Variants in MTF2 observed in about 807,000 individuals in gnomAD.
MTF2 encodes metal-response element-binding transcription factor 2.
MTF2 carries 11 observed loss-of-function variants against 79.5 expected under a neutral mutation model. That is an observed-to-expected ratio of 0.14 (90% CI 0.09 to 0.23). The LOEUF is 0.23. Among genes scored for constraint, MTF2 ranks in the 10% least tolerant of loss-of-function variants. The pLI, the probability that MTF2 is intolerant of heterozygous loss-of-function variation, is 1.00. For missense variants in MTF2, 486 were observed against 711.2 expected, an observed-to-expected ratio of 0.68 and a Z score of 3.60; for synonymous variants, 208 against 232.8, an observed-to-expected ratio of 0.89 and a Z score of 0.97.
chr1:93,106,685 A>G (rs561005484), intron 1 of MTF2, among the ~76,000 whole-genome samples: 1 of 152,232 alleles, frequency 6.6e-6, no homozygotes, highest in African/African-American at 2.4e-5. Flanking sequence ...ACACCAGGCT[A>G]ATTTTGTATT....
chr1:93,113,528 A>G (rs184112827), intron 3 of MTF2, among the ~76,000 whole-genome samples: 4 of 152,336 alleles, frequency 2.6e-5, no homozygotes, highest in Non-Finnish European at 5.9e-5. Context: ...AGAGTAGAGT[A>G]ATAATGAAGT....
chr1:93,138,839 A>G lies in MTF2; in HGVS notation c.*1812A>G, dbSNP rs945100344. The G allele has an allele frequency of 6.6e-6, 1 of 152,078 alleles. No homozygotes were observed. Among genetic ancestry groups the G allele is most frequent in the African/African-American group, 2.4e-5 (1 of 41,408 alleles). The allele number at this position is 152,078 out of a possible 1,614,324, so 9.4% of individuals were successfully genotyped here. The stretch of plus-strand genomic sequence containing the variant: ...CACTCCACCTGTATCATATTATTTC[A>G]TTTTCCCCAAAGTCCTTTAATTCTA... On this transcript the variant is annotated 3_prime_UTR_variant, in exon 15 of 15. Coordinates refer to ENST00000370298, the MANE Select transcript of MTF2 (RefSeq NM_007358.4).
intron 3 of MTF2, 71 bp from the exon 4 acceptor site, chr1:93,114,617 A>T: frequency 1.8e-6 from 2 of 1,107,570 alleles, no homozygotes; most frequent in Non-Finnish European, 2.6e-6. Flanking sequence ...CTGCTCACTG[A>T]GTCATAAAAG....
chr1:93,088,513 A>G (rs1393783947), intron 1 of MTF2, among the ~76,000 whole-genome samples: 1 of 152,186 alleles, frequency 6.6e-6, no homozygotes, highest in African/African-American at 2.4e-5. Flanking sequence ...CTGTTTCTAA[A>G]TGTTTGGTAT....
intron 1 of MTF2, among the ~76,000 whole-genome samples, chr1:93,094,159 GTTTTC>G (rs752531027): frequency 6.6e-6 from 1 of 151,948 alleles, no homozygotes; most frequent in Non-Finnish European, 1.5e-5. Flanking sequence ...GTACTGGGAT[GTTTTC>G]TTTTACTTTG....
At chr1:93,106,940 A>G (rs1655819545) in intron 1 of MTF2, among the ~76,000 whole-genome samples, 1 of 152,228 alleles carries the variant, frequency 6.6e-6, no homozygotes, top group Non-Finnish European at 1.5e-5. Context: ...ATCCCTGATG[A>G]TAATTCATTG....
At chr1:93,093,449 G>C (rs912328970) in intron 1 of MTF2, among the ~76,000 whole-genome samples, 1 of 152,010 alleles carries the variant, frequency 6.6e-6, no homozygotes, top group African/African-American at 2.4e-5. Context: ...CTGGAGTTCT[G>C]CTCTAATTTG....
rs183737932 is a variant in MTF2, at chr1:93,110,261, C to T, written c.37C>T (p.His13Tyr). 24 of 1,614,026 alleles carry T rather than the reference C, an allele frequency of 1.5e-5. No homozygotes were observed. The Admixed American group carries it at 1.5e-4, about 10-fold the overall frequency. The change falls in exon 2 of 15, where the codon CAC becomes TAC. Residue 13 changes from histidine (H) to tyrosine (Y), a missense_variant. This residue lies in a region of MTF2 where 75 missense variants were observed against 83.8 expected (regional missense o/e 0.89). Transcript: ENST00000370298. ...DSTGAGNSLV[H>Y]KRSPLRRNQK... ...TACAGGGGCAGGTAATTCACTGGTC[C>T]ACAAGCGGTCTCCTTTACGTCGAAA...
intron 1 of MTF2, among the ~76,000 whole-genome samples, chr1:93,099,550 A>G (rs947503787): frequency 8.5e-5 from 13 of 152,212 alleles, no homozygotes; most frequent in African/African-American, 3.1e-4. Flanking sequence ...GAAGTTTTCA[A>G]CATTCAATAT....
At chr1:93,083,527 A>T (rs1654703913) in intron 1 of MTF2, among the ~76,000 whole-genome samples, 2 of 152,154 alleles carry the variant, frequency 1.3e-5, no homozygotes, top group African/African-American at 4.8e-5. Context: ...TGCAGTGATC[A>T]TTCATGTATA....
At chr1:93,108,280 G>GTGTGTGTA (rs900832474) in intron 1 of MTF2, among the ~76,000 whole-genome samples, 1 of 152,116 alleles carries the variant, frequency 6.6e-6, no homozygotes, top group Non-Finnish European at 1.5e-5. Flanking sequence ...GTGTGTGTGT[G>GTGTGTGTA]TGTGTATGTG....
intron 10 of MTF2, among the ~76,000 whole-genome samples, chr1:93,128,168 G>C (rs1192606292): frequency 6.6e-6 from 1 of 152,168 alleles, no homozygotes; most frequent in African/African-American, 2.4e-5. Flanking sequence ...TGTTTCATGG[G>C]ACAGTGAATT....
At chr1:93,122,423 TTTTA>T (rs1227192067) in intron 9 of MTF2, among the ~76,000 whole-genome samples, 1 of 152,140 alleles carries the variant, frequency 6.6e-6, no homozygotes, top group Non-Finnish European at 1.5e-5. Context: ...AGTGTTTAGA[TTTTA>T]TTTGAGAGGC....
chr1:93,131,295 G>A (rs1268794829), intron 11 of MTF2, among the ~76,000 whole-genome samples: 1 of 152,222 alleles, frequency 6.6e-6, no homozygotes, highest in African/African-American at 2.4e-5. Flanking sequence ...ATATTAAAGT[G>A]TATTGAATGC....
intron 2 of MTF2, 21 bp from the exon 3 acceptor site, chr1:93,110,524 A>G (rs1202956079): frequency 6.2e-7 from 1 of 1,604,680 alleles, no homozygotes; most frequent in Non-Finnish European, 8.5e-7. Flanking sequence ...GATCACCGTT[A>G]AGTATTTCTC....
intron 1 of MTF2, among the ~76,000 whole-genome samples, chr1:93,106,391 G>A (rs968832570): frequency 2.6e-5 from 4 of 151,506 alleles, no homozygotes; most frequent in East Asian, 3.9e-4. Context: ...AGGTCTTAAC[G>A]CAGACCTGCC....
intron 11 of MTF2, among the ~76,000 whole-genome samples, chr1:93,129,729 C>CATTGATTG (rs997340189): frequency 6.6e-6 from 1 of 151,998 alleles, no homozygotes; most frequent in African/African-American, 2.4e-5. Flanking sequence ...GTTCACTTTT[C>CATTGATTG]ATTGATTGAT....
At chr1:93,086,301 T>G (rs1041765338) in intron 1 of MTF2, among the ~76,000 whole-genome samples, 1 of 151,882 alleles carries the variant, frequency 6.6e-6, no homozygotes, top group Non-Finnish European at 1.5e-5. Context: ...GCCAGGAGTT[T>G]GAGACCAGCT....
chr1:93,118,642 G>A (rs550892), intron 7 of MTF2, among the ~76,000 whole-genome samples: 95,902 of 152,006 alleles, frequency 0.63, 34,542 homozygotes, highest in East Asian at 0.93. Context: ...TTTAAGTATT[G>A]TCAGTGATTA....
Sources: allele counts gnomAD v4.1 joint callset (sites outside exome capture counted in the v4.1 genomes callset), GRCh38; gene constraint gnomAD v4.1.1; regional missense constraint gnomAD v4.1.1; transcripts MANE v1.5; gene names NCBI Gene and HGNC (gene_info 2026-07-23, HGNC 2026-07-21).